Variants in MRPS28 observed in about 807,000 individuals in gnomAD.
MRPS28 encodes the protein mitochondrial ribosomal protein S28.
In MRPS28, 7 loss-of-function variants were observed where a neutral mutation model predicts 10.8. The observed-to-expected ratio is 0.65, with a 90% CI of 0.37 to 1.22. The LOEUF (loss-of-function observed/expected upper bound fraction) is 1.22, where lower values mean the gene tolerates loss of function less well. MRPS28 is among the 50% of genes most tolerant of loss of function. The probability of loss-of-function intolerance (pLI) is 0.02; values close to 1 mark genes in which losing one functional copy is unlikely to be tolerated. For missense variants in MRPS28, 265 were observed against 232.9 expected (o/e 1.14, Z -0.90); for synonymous variants, 121 against 93.3 (o/e 1.30, Z -1.71).
At chr8:79,951,704 A>G (rs1349988730) in intron 2 of MRPS28, among the ~76,000 whole-genome samples, 2 of 152,148 alleles carry the variant, frequency 1.3e-5, no homozygotes, top group East Asian at 3.8e-4. Flanking sequence ...CTTCTACAAG[A>G]ATTTTCTTAC....
Position 80,030,058 on chromosome 8 carries a change from T to A in MRPS28, c.191A>T (p.Gln64Leu). 1 of 1,613,598 alleles carries A rather than the reference T, an allele frequency of 6.2e-7. No individual in the cohort carries two copies. The highest frequency in any genetic ancestry group is 8.5e-7 in the Non-Finnish European group (1 of 1,179,752). Residue 64 changes from glutamine to leucine, a missense_variant, in exon 1 of 3, where the codon CAG becomes CTG. Transcript: ENST00000276585. ...SALERHSELLQKVEPLQKGSP... is the reference protein window; with the variant it reads ...SALERHSELLLKVEPLQKGSP... ...CACCTTCTGTAGGGGCTCCACCTTC[T>A]GTAGAAGCTCCGAGTGCCGCTCCAA...
intron 2 of MRPS28, among the ~76,000 whole-genome samples, chr8:79,993,385 C>T (rs993799156): frequency 6.6e-5 from 10 of 152,108 alleles, no homozygotes; most frequent in Admixed American, 6.5e-4. Flanking sequence ...TGTGAATATG[C>T]TACATAAAGC....
chr8:79,976,843 A>G (rs1387961615), intron 2 of MRPS28, among the ~76,000 whole-genome samples: 4 of 152,266 alleles, frequency 2.6e-5, no homozygotes, highest in Admixed American at 1.3e-4. Context: ...TCAAATAAAA[A>G]GATGAACAAT....
chr8:80,005,318 T>C (rs1283775721), intron 1 of MRPS28, among the ~76,000 whole-genome samples: 2 of 151,930 alleles, frequency 1.3e-5, no homozygotes, highest in South Asian at 2.1e-4. Flanking sequence ...CAGAAGAGAG[T>C]GGGGGCCAAT....
chr8:80,008,618 T>C (rs1461334167), intron 1 of MRPS28, among the ~76,000 whole-genome samples: 1 of 152,176 alleles, frequency 6.6e-6, no homozygotes, highest in Non-Finnish European at 1.5e-5. Context: ...GTGAAGGATA[T>C]GAACAGACAC....
At chr8:79,981,975 G>C (rs1807967361) in intron 2 of MRPS28, among the ~76,000 whole-genome samples, 1 of 152,146 alleles carries the variant, frequency 6.6e-6, no homozygotes, top group East Asian at 1.9e-4. Context: ...GCAGGGTGCA[G>C]TGGCTCATGC....
At chr8:79,958,507 T>A (rs1807287131) in intron 2 of MRPS28, 4 of 589,048 alleles carry the variant, frequency 6.8e-6, no homozygotes, top group Non-Finnish European at 1.2e-5. Flanking sequence ...TATTGCTAAT[T>A]TTATTTGGTA....
chr8:79,939,987 A>AAGG (rs1359007607), intron 2 of MRPS28, among the ~76,000 whole-genome samples: 1 of 151,604 alleles, frequency 6.6e-6, no homozygotes, highest in East Asian at 1.9e-4. Context: ...TAAAAAAAAA[A>AAGG]AAAAGAAATA....
In MRPS28 at chr8:79,984,978, T is replaced by C. The variant is rs570921385; in HGVS notation, c.395+18021A>G. ...CCAAATCAACAGAATATACATTTTT[T>C]TCAGCACCACACCACACCTATTCCA... On this transcript the variant is annotated intron_variant, in intron 2 of 2. Coordinates refer to ENST00000276585, the MANE Select transcript of MRPS28 (RefSeq NM_014018.3). 1.5e-4 allele frequency among the ~76,000 whole-genome samples: 23 copies of C among 152,292 alleles called. No individual in the cohort carries two copies. In the South Asian group the frequency reaches 3.7e-3, roughly 25 times the overall value.
At chr8:79,984,659 A>C (rs1808097333) in intron 2 of MRPS28, among the ~76,000 whole-genome samples, 1 of 152,164 alleles carries the variant, frequency 6.6e-6, no homozygotes, top group East Asian at 1.9e-4. Flanking sequence ...AAACCAACAA[A>C]GATCAAAAGA....
At chr8:80,001,788 C>T (rs1808666041) in intron 2 of MRPS28, among the ~76,000 whole-genome samples, 1 of 152,208 alleles carries the variant, frequency 6.6e-6, no homozygotes, top group South Asian at 2.1e-4. Context: ...CTTGTTAAAA[C>T]ACTGTTCAGC....
intron 2 of MRPS28, among the ~76,000 whole-genome samples, chr8:79,963,493 T>C (rs1399097736): frequency 6.6e-6 from 1 of 152,120 alleles, no homozygotes; most frequent in Non-Finnish European, 1.5e-5. Flanking sequence ...TAGATGACAA[T>C]GCAGCAAAAT....
chr8:79,943,670 T>C (rs1355332537), intron 2 of MRPS28, among the ~76,000 whole-genome samples: 1 of 152,232 alleles, frequency 6.6e-6, no homozygotes, highest in Non-Finnish European at 1.5e-5. Context: ...GACAGTAATT[T>C]GATGAAACTA....
chr8:80,029,981 C>T, intron 1 of MRPS28, 55 bp downstream of exon 1: 1 of 1,587,370 alleles, frequency 6.3e-7, no homozygotes, highest in Non-Finnish European at 8.6e-7. Flanking sequence ...CCGACCCCGC[C>T]CACCGCGTCG....
At chr8:79,938,514 T>C (rs1806671007) in intron 2 of MRPS28, among the ~76,000 whole-genome samples, 1 of 152,016 alleles carries the variant, frequency 6.6e-6, no homozygotes, top group Admixed American at 6.6e-5. Context: ...TCATTCTTTT[T>C]GGTAAAAAAA....
At chr8:80,007,717 G>C (rs557870644) in intron 1 of MRPS28, among the ~76,000 whole-genome samples, 1 of 152,258 alleles carries the variant, frequency 6.6e-6, no homozygotes, top group East Asian at 1.9e-4. Flanking sequence ...ACTTACAAGG[G>C]ACGTGAAGGA....
intron 2 of MRPS28, among the ~76,000 whole-genome samples, chr8:79,941,728 T>G (rs1230314585): frequency 1.3e-5 from 2 of 152,216 alleles, no homozygotes; most frequent in Non-Finnish European, 2.9e-5. Flanking sequence ...GCTGAAAAGT[T>G]TAATTCACTC....
At chr8:79,991,671 T>C (rs548056576) in intron 2 of MRPS28, among the ~76,000 whole-genome samples, 1 of 152,382 alleles carries the variant, frequency 6.6e-6, no homozygotes, top group South Asian at 2.1e-4. Flanking sequence ...GTCATATATT[T>C]TGTGTTTTTA....
chr8:80,010,991 C>T (rs1442505096), intron 1 of MRPS28, among the ~76,000 whole-genome samples: 2 of 152,178 alleles, frequency 1.3e-5, no homozygotes, highest in South Asian at 2.1e-4. Context: ...GGTCCTTAAA[C>T]AAGCACTTTG....
Sources: gnomAD v4.1 joint callset for allele counts (sites outside exome capture counted in the v4.1 genomes callset) on GRCh38, gnomAD v4.1.1 for gene constraint, MANE v1.5 for transcripts, NCBI Gene and HGNC (gene_info 2026-07-23, HGNC 2026-07-21) for gene names.